DEPDC5: variants seen among roughly 807,000 people sequenced by gnomAD.
DEPDC5 encodes GATOR1 complex protein DEPDC5.
In DEPDC5, 73 loss-of-function variants were observed where a neutral mutation model predicts 217.3. The ratio of observed to expected loss-of-function variants is 0.34; its 90% CI spans 0.28 to 0.41. The LOEUF is 0.41. Among genes scored for constraint, DEPDC5 ranks in the 10% least tolerant of loss-of-function variants. DEPDC5 has a pLI of 1.00. For synonymous variants in DEPDC5, 733 were observed against 756.7 expected, an observed-to-expected ratio of 0.97 and a Z score of 0.51; for missense variants, 1,675 against 2,070.1, an observed-to-expected ratio of 0.81 and a Z score of 3.70.
rs867982933 is a variant in DEPDC5, at chr22:31,839,611, G to A, written c.2515+766G>A. On this transcript the variant is annotated intron_variant, in intron 27 of 42. Coordinates refer to ENST00000651528, the MANE Select transcript of DEPDC5 (RefSeq NM_001242896.3). ...CAGAGGATCAGAGAACTGTGGCCCTGTTGGAGCATGCGGTCATCCAGTCCA... is the reference window on the plus strand; with the variant it reads ...CAGAGGATCAGAGAACTGTGGCCCTATTGGAGCATGCGGTCATCCAGTCCA... Among the ~76,000 whole-genome samples, 6 of 146,764 alleles carry A rather than the reference G, an allele frequency of 4.1e-5. No homozygotes were observed. The South Asian group carries it at 1.3e-3, about 31-fold the overall frequency.
At position 31,837,132 on chromosome 22, in the gene DEPDC5, C is replaced by G. The variant is rs772385706; in HGVS notation, c.2331C>G (p.Leu777=). The stretch of plus-strand genomic sequence containing the variant: ...ACTACACAGAGGGCTGTTATGATCT[C>G]CTTCCAGAAGCAGACATCGACAGGT... ...QNDYTEGCYD[L]LPEADIDRRD... The change falls in exon 26 of 43, where the codon CTC becomes CTG. Residue 777 remains leucine (L), a synonymous_variant. Transcript: ENST00000651528. The G allele has an allele frequency of 5.6e-6, 9 of 1,614,124 alleles. No homozygotes were observed. The South Asian group carries it at 9.9e-5, about 18-fold the overall frequency.
intron 8 of DEPDC5, among the ~76,000 whole-genome samples, chr22:31,778,601 C>G (rs149074008): frequency 6.6e-6 from 1 of 152,280 alleles, no homozygotes; most frequent in Non-Finnish European, 1.5e-5. Flanking sequence ...TGGATTTCTC[C>G]AGTTTGGAGT....
At chr22:31,761,451 C>A (rs1179339413) in intron 4 of DEPDC5, among the ~76,000 whole-genome samples, 1 of 152,006 alleles carries the variant, frequency 6.6e-6, no homozygotes, top group African/African-American at 2.4e-5. Flanking sequence ...CATGTTGCTG[C>A]AGTGGACATG....
At position 31,843,629 on chromosome 22, in the gene DEPDC5, G is replaced by C. The variant is rs1191593721; in HGVS notation, c.2634-16G>C. 6.3e-7 allele frequency: 1 copy of C among 1,587,578 alleles called. No individual in the cohort carries two copies. The highest frequency in any genetic ancestry group is 8.6e-7 in the Non-Finnish European group (1 of 1,160,436). On this transcript the variant is annotated splice_polypyrimidine_tract_variant and intron_variant, in intron 28 of 42. Coordinates refer to ENST00000651528, the MANE Select transcript of DEPDC5 (RefSeq NM_001242896.3). Reference sequence around the variant, plus strand: ...CTAACTCTTTTGAATTTGGGGACCTGCCCTTTATTTTGCAGGTATCCTTAT... The same window carrying C: ...CTAACTCTTTTGAATTTGGGGACCTCCCCTTTATTTTGCAGGTATCCTTAT...
At chr22:31,802,393 G>C (rs886718536) in intron 14 of DEPDC5, among the ~76,000 whole-genome samples, 2 of 152,136 alleles carry the variant, frequency 1.3e-5, no homozygotes, top group Admixed American at 6.6e-5. Context: ...GCCTCCCAAA[G>C]TGCTGGGATT....
chr22:31,855,537 C>T (rs1039764249), intron 31 of DEPDC5, among the ~76,000 whole-genome samples: 5 of 151,764 alleles, frequency 3.3e-5, no homozygotes, highest in South Asian at 2.1e-4. Context: ...CCACAACGCC[C>T]GGCTAATTTT....
At chr22:31,867,040 G>A (rs1307583827) in intron 33 of DEPDC5, among the ~76,000 whole-genome samples, 1 of 152,190 alleles carries the variant, frequency 6.6e-6, no homozygotes, top group African/African-American at 2.4e-5. Flanking sequence ...GGAGGGGGGA[G>A]TATCTACATA....
At chr22:31,843,872 A>G (rs1400908470) in intron 29 of DEPDC5, 60 bp downstream of exon 29, 1 of 1,477,362 alleles carries the variant, frequency 6.8e-7, no homozygotes, top group Admixed American at 1.9e-5. Context: ...GTGTATGTGT[A>G]TTTTAACACT....
rs557567855 is a variant in DEPDC5, at chr22:31,781,477, G to C, written c.484-2430G>C. Among the ~76,000 whole-genome samples the C allele has an allele frequency of 3.9e-5, 6 of 152,014 alleles. No homozygotes were observed. In the South Asian group the frequency reaches 1.2e-3, roughly 31 times the overall value. Reference sequence around the variant, plus strand: ...AGATGGAGTCTCACTGTGTTGCCTAGGCTGGAGTGCAGTGGCGTGATCTCG... The same window carrying C: ...AGATGGAGTCTCACTGTGTTGCCTACGCTGGAGTGCAGTGGCGTGATCTCG... On this transcript the variant is annotated intron_variant, in intron 8 of 42. Coordinates refer to ENST00000651528, the MANE Select transcript of DEPDC5 (RefSeq NM_001242896.3).
Position 31,906,112 on chromosome 22 carries a change from T to G in DEPDC5, c.4519+46T>G, listed in dbSNP as rs1231863110. 1 of 1,613,738 alleles carries G rather than the reference T, an allele frequency of 6.2e-7. No homozygotes were observed. Among genetic ancestry groups the G allele is most frequent in the Non-Finnish European group, 8.5e-7 (1 of 1,179,782 alleles). On this transcript the variant is annotated intron_variant, in intron 42 of 42. Coordinates refer to ENST00000651528, the MANE Select transcript of DEPDC5 (RefSeq NM_001242896.3). The surrounding 1 kb of genome is among the most constrained non-coding windows in gnomAD (Gnocchi z 5.1). ...TTGGGCAGGTGGGTCCACATCCCTT[T>G]CCTTGCACCAAGCCTATGGCTGCAG...
At chr22:31,759,984 CTT>C in intron 3 of DEPDC5, among the ~76,000 whole-genome samples, 1 of 151,302 alleles carries the variant, frequency 6.6e-6, no homozygotes, top group East Asian at 2.0e-4. Context: ...AGCCCAGCCT[CTT>C]TCTGGTTTTA....
intron 14 of DEPDC5, among the ~76,000 whole-genome samples, chr22:31,800,036 C>T (rs1424755906): frequency 6.6e-6 from 1 of 151,852 alleles, no homozygotes; most frequent in Non-Finnish European, 1.5e-5. Context: ...CTCCTGACCT[C>T]GTGATCCGCC....
intron 33 of DEPDC5, among the ~76,000 whole-genome samples, chr22:31,866,688 C>T (rs1245756486): frequency 6.6e-6 from 1 of 152,152 alleles, no homozygotes; most frequent in Non-Finnish European, 1.5e-5. Context: ...CCAGCCCTTT[C>T]CTTACTTTTT....
chr22:31,883,450 T>G (rs147377979), intron 38 of DEPDC5, among the ~76,000 whole-genome samples: 1 of 152,326 alleles, frequency 6.6e-6, no homozygotes, highest in Non-Finnish European at 1.5e-5. Context: ...TCTTGTGCTT[T>G]CTTTCACTGG....
At chr22:31,844,936 C>CA in intron 29 of DEPDC5, 82 bp from the exon 30 acceptor site, 1 of 1,434,366 alleles carries the variant, frequency 7.0e-7, no homozygotes, top group Non-Finnish European at 9.8e-7. Context: ...CTTCACACAC[C>CA]AACTCCACAG....
chr22:31,795,217 C>G (rs1413314858), intron 12 of DEPDC5, among the ~76,000 whole-genome samples: 4 of 151,686 alleles, frequency 2.6e-5, no homozygotes, highest in Non-Finnish European at 5.9e-5. Flanking sequence ...TTGCAGGCAT[C>G]TGCCATCACA....
chr22:31,799,940 T>C (rs1019916767), intron 14 of DEPDC5, among the ~76,000 whole-genome samples: 1 of 150,316 alleles, frequency 6.7e-6, no homozygotes, highest in Non-Finnish European at 1.5e-5. Flanking sequence ...GTAGCTGGGA[T>C]CACAGGCACG....
intron 18 of DEPDC5, 94 bp downstream of exon 18, chr22:31,806,285 C>G (rs1026236870): frequency 5.3e-6 from 6 of 1,129,842 alleles, no homozygotes; most frequent in Non-Finnish European, 7.7e-6. Context: ...TTTCAGCCTC[C>G]CAAAGTGTTG....
intron 37 of DEPDC5, among the ~76,000 whole-genome samples, chr22:31,878,767 G>A (rs923898250): frequency 3.3e-5 from 5 of 151,982 alleles, no homozygotes; most frequent in African/African-American, 9.7e-5. Context: ...GGCCGGGTAC[G>A]GTGACACACG....
Sources: gnomAD v4.1 joint callset for allele counts (sites outside exome capture counted in the v4.1 genomes callset) on GRCh38, gnomAD v4.1.1 for gene constraint, Gnocchi (gnomAD v3.1) non-coding constraint, MANE v1.5 for transcripts, NCBI Gene and HGNC (gene_info 2026-07-23, HGNC 2026-07-21) for gene names.